OTOGL: variants seen among roughly 807,000 people sequenced by gnomAD.
OTOGL encodes the protein otogelin like.
OTOGL carries 285 observed loss-of-function variants against 318.5 expected under a neutral mutation model. The observed-to-expected ratio is 0.89, with a 90% CI of 0.81 to 0.99. The LOEUF (loss-of-function observed/expected upper bound fraction) is 0.99, where lower values mean the gene tolerates loss of function less well. Ranked by LOEUF, OTOGL falls within the 50% of genes least tolerant of loss-of-function variation. The pLI is 0.00. For synonymous variants in OTOGL, 987 were observed against 936.5 expected, an observed-to-expected ratio of 1.05 and a Z score of -0.99; for missense variants, 2,899 against 2,845.6, an observed-to-expected ratio of 1.02 and a Z score of -0.43.
At chr12:80,180,873 G>A (rs548084818) in intron 1 of OTOGL, among the ~76,000 whole-genome samples, 134 of 152,122 alleles carry the variant, frequency 8.8e-4, no homozygotes, top group Non-Finnish European at 1.5e-3. Flanking sequence ...GAACCTCTTT[G>A]TGAGGATCTG....
chr12:80,186,542 T>C, intron 1 of OTOGL, among the ~76,000 whole-genome samples: 1 of 152,220 alleles, frequency 6.6e-6, no homozygotes, highest in South Asian at 2.1e-4. Flanking sequence ...TGAAAAACTT[T>C]GAGAGGCTCC....
At chr12:80,215,031 C>G (rs2056292691) in intron 4 of OTOGL, among the ~76,000 whole-genome samples, 1 of 152,010 alleles carries the variant, frequency 6.6e-6, no homozygotes, top group African/African-American at 2.4e-5. Flanking sequence ...ATTCTAATTT[C>G]CATAAAGGAG....
rs781668512 is a variant in OTOGL, at chr12:80,222,069, A to G, written c.335-22A>G. The stretch of plus-strand genomic sequence containing the variant: ...ACGTGTAATTTATTTTGCCTACAAA[A>G]TATTATCCTGTTTCTTTTCAGTCCC... On this transcript the variant is annotated intron_variant, in intron 6 of 58. Coordinates refer to ENST00000547103, the MANE Select transcript of OTOGL (RefSeq NM_001378609.3). The G allele has an allele frequency of 7.6e-6, 12 of 1,586,156 alleles. No individual in the cohort carries two copies. In the East Asian group the frequency reaches 2.5e-4, roughly 33 times the overall value.
intron 57 of OTOGL, among the ~76,000 whole-genome samples, chr12:80,372,942 C>T (rs1285221505): frequency 6.6e-6 from 1 of 152,058 alleles, no homozygotes; most frequent in Non-Finnish European, 1.5e-5. Context: ...CCACTTCGGC[C>T]TCCCAAAGTG....
intron 1 of OTOGL, among the ~76,000 whole-genome samples, chr12:80,135,271 T>TCCCCC (rs1871487760): frequency 5.6e-5 from 1 of 17,740 alleles, no homozygotes. Context: ...TCCCCTCCCC[T>TCCCCC]CCCCTCCCCT....
At chr12:80,259,710 A>G (rs1451165952) in intron 18 of OTOGL, among the ~76,000 whole-genome samples, 1 of 151,172 alleles carries the variant, frequency 6.6e-6, no homozygotes, top group African/African-American at 2.4e-5. Flanking sequence ...AAAGACAGGA[A>G]CTCATTCTTT....
intron 27 of OTOGL, among the ~76,000 whole-genome samples, chr12:80,300,051 G>A (rs1885658372): frequency 6.6e-6 from 1 of 152,146 alleles, no homozygotes; most frequent in African/African-American, 2.4e-5. Context: ...AGACAAACAA[G>A]GTGATAGAAA....
intron 26 of OTOGL, among the ~76,000 whole-genome samples, chr12:80,279,459 A>G (rs867519936): frequency 2.6e-5 from 4 of 151,308 alleles, no homozygotes; most frequent in Non-Finnish European, 5.9e-5. Flanking sequence ...TTCACCCTTA[A>G]GTAGTAGGCC....
At chr12:80,158,368 A>G (rs1393426587) in intron 1 of OTOGL, among the ~76,000 whole-genome samples, 1 of 152,098 alleles carries the variant, frequency 6.6e-6, no homozygotes, top group Admixed American at 6.6e-5. Context: ...GTGTATATAA[A>G]TTCCAAAAGA....
At chr12:80,237,105 G>A (rs561973731) in intron 9 of OTOGL, among the ~76,000 whole-genome samples, 7 of 151,988 alleles carry the variant, frequency 4.6e-5, no homozygotes, top group Non-Finnish European at 5.9e-5. Context: ...GTGAGTCACC[G>A]CACCCAGCCT....
At chr12:80,254,940 C>T in intron 15 of OTOGL, 100 bp from the exon 16 acceptor site, 1 of 1,006,028 alleles carries the variant, frequency 9.9e-7, no homozygotes, top group Non-Finnish European at 1.3e-6. Flanking sequence ...CTAAGTTGAT[C>T]TGCTTTTAAA....
chr12:80,191,200 G>A (rs907793019), intron 1 of OTOGL, among the ~76,000 whole-genome samples: 2 of 152,352 alleles, frequency 1.3e-5, no homozygotes, highest in African/African-American at 4.8e-5. Context: ...CATTTTGGGA[G>A]GCTGAGGCGG....
chr12:80,339,094 T>C lies in OTOGL; in HGVS notation c.4880T>C (p.Val1627Ala). Reference protein sequence around the residue: ...LARKVEVDSIVVPLPFSSQEL... With the variant: ...LARKVEVDSIAVPLPFSSQEL... ...TTCTAGGTAGAAGTGGATTCCATTGTTGTGCCTTTGCCCTTTTCAAGTCAG... is the reference window on the plus strand; with the variant it reads ...TTCTAGGTAGAAGTGGATTCCATTGCTGTGCCTTTGCCCTTTTCAAGTCAG... Residue 1627 changes from valine to alanine, a missense_variant, in exon 43 of 59, where the codon GTT (valine) becomes GCT (alanine). Coordinates refer to ENST00000547103, the MANE Select transcript of OTOGL (RefSeq NM_001378609.3). The C allele has an allele frequency of 1.2e-6, 2 of 1,608,326 alleles. No homozygotes were observed. Among genetic ancestry groups the C allele is most frequent in the South Asian group, 2.2e-5 (2 of 90,734 alleles).
chr12:80,205,014 T>G (rs747104667), intron 1 of OTOGL, among the ~76,000 whole-genome samples: 2 of 152,064 alleles, frequency 1.3e-5, no homozygotes, highest in Non-Finnish European at 2.9e-5. Context: ...CTATCCTAAG[T>G]GAGAGAAACG....
chr12:80,221,786 C>T (rs1878367095), intron 6 of OTOGL, among the ~76,000 whole-genome samples: 1 of 152,146 alleles, frequency 6.6e-6, no homozygotes, highest in Non-Finnish European at 1.5e-5. Context: ...TTATTACTAT[C>T]ACCTTTTACT....
At chr12:80,292,137 CGCCACCACACCTG>C (rs1367315788) in intron 26 of OTOGL, among the ~76,000 whole-genome samples, 8 of 151,926 alleles carry the variant, frequency 5.3e-5, no homozygotes, top group Non-Finnish European at 1.0e-4. Context: ...TACAGGCATG[CGCCACCACACCTG>C]GCTAATTTTG....
chr12:80,132,218 AC>A (rs1392278971), intron 1 of OTOGL: 1 of 152,106 alleles, frequency 6.6e-6, no homozygotes, highest in Non-Finnish European at 1.5e-5. Flanking sequence ...GTTGTGCTGA[AC>A]CTTTATAGTC....
intron 1 of OTOGL, among the ~76,000 whole-genome samples, chr12:80,126,556 C>A (rs1232329825): frequency 6.6e-6 from 1 of 152,112 alleles, no homozygotes; most frequent in African/African-American, 2.4e-5. Context: ...TCTATTGGGT[C>A]CGCTTGGTGC....
rs779681456 is a variant in OTOGL, at chr12:80,371,903, TG to T, written c.6736-115del. The T allele has an allele frequency of 0.78, 411,369 of 528,214 alleles. 164,072 individuals carry two copies. The highest frequency in any genetic ancestry group is 0.83 in the Non-Finnish European group (271,850 of 327,330). 32.7% of individuals were successfully genotyped at this position (528,214 alleles called of 1,614,324 possible). A position where few individuals can be genotyped will look rare whatever the true frequency, so the allele number is the denominator to read the frequency against. On this transcript the variant is annotated intron_variant, in intron 56 of 58. Coordinates refer to ENST00000547103, the MANE Select transcript of OTOGL (RefSeq NM_001378609.3). ...TAGTTAAATTCCAACTATTTTTCTA[TG>T]AAGGCTTTGTGGTATTTGATAAAAG...
Sources: gnomAD v4.1 joint callset for allele counts (sites outside exome capture counted in the v4.1 genomes callset) on GRCh38, gnomAD v4.1.1 for gene constraint, MANE v1.5 for transcripts, NCBI Gene and HGNC (gene_info 2026-07-23, HGNC 2026-07-21) for gene names.